SNX27: variants seen among roughly 807,000 people sequenced by gnomAD.
The protein encoded by SNX27 is sorting nexin 27.
SNX27 carries 22 observed loss-of-function variants against 71.6 expected under a neutral mutation model. The ratio of observed to expected loss-of-function variants is 0.31; its 90% CI spans 0.22 to 0.44. SNX27 has a LOEUF of 0.44. Among genes scored for constraint, SNX27 ranks in the 20% least tolerant of loss-of-function variants. The pLI is 1.00. For missense variants in SNX27, 531 were observed against 698.6 expected (o/e 0.76, Z 2.70); for synonymous variants, 269 against 277.2 (o/e 0.97, Z 0.29).
intron 9 of SNX27, 46 bp downstream of exon 9, chr1:151,692,630 T>G (rs145721362): frequency 5.0e-5 from 80 of 1,588,566 alleles, no homozygotes; most frequent in Non-Finnish European, 6.6e-5. Flanking sequence ...TGGAGATACT[T>G]TGATGCTCAC....
At chr1:151,622,645 G>A (rs1667728217) in intron 1 of SNX27, among the ~76,000 whole-genome samples, 1 of 152,222 alleles carries the variant, frequency 6.6e-6, no homozygotes, top group Admixed American at 6.5e-5. Flanking sequence ...AAATGTAGCA[G>A]CTCTCAAACA....
chr1:151,652,262 G>T (rs1669444522), intron 2 of SNX27, among the ~76,000 whole-genome samples: 1 of 150,176 alleles, frequency 6.7e-6, no homozygotes, highest in South Asian at 2.1e-4. Flanking sequence ...GAGGGAGAGG[G>T]AGAGGAAACT....
At chr1:151,682,568 G>A (rs751872798) in intron 7 of SNX27, among the ~76,000 whole-genome samples, 3 of 151,980 alleles carry the variant, frequency 2.0e-5, no homozygotes, top group Non-Finnish European at 2.9e-5. Flanking sequence ...TGATTCACCC[G>A]CCTCAGCCTC....
At chr1:151,623,011 C>T (rs776578167) in intron 1 of SNX27, among the ~76,000 whole-genome samples, 2 of 152,010 alleles carry the variant, frequency 1.3e-5, no homozygotes, top group Admixed American at 6.6e-5. Context: ...CTTGCCCTGT[C>T]GCCCAGGCTG....
In SNX27 at chr1:151,698,844, C is replaced by T. The variant is rs1354399395; in HGVS notation, c.*4427C>T. ...GAGCTGGGCTTCAGTTTTTCCCAGG[C>T]CATGCACATTTAATTTATTTCAGAG... is the stretch of plus-strand genomic sequence containing the variant. On this transcript the variant is annotated 3_prime_UTR_variant, in exon 12 of 12. Transcript: ENST00000458013. 2 of 152,584 alleles carry T rather than the reference C, an allele frequency of 1.3e-5. No homozygotes were observed. Among genetic ancestry groups the T allele is most frequent in the Non-Finnish European group, 2.9e-5 (2 of 68,020 alleles). The allele number at this position is 152,584 out of a possible 1,614,324, so 9.5% of individuals were successfully genotyped here.
chr1:151,612,267 C>T lies in SNX27; in HGVS notation c.66C>T (p.Gly22=). Residue 22 remains glycine (G), a synonymous_variant, in exon 1 of 12, where the codon GGC becomes GGT. Coordinates refer to ENST00000458013, the MANE Select transcript of SNX27 (RefSeq NM_001330723.2). The surrounding 1 kb of genome is among the most constrained non-coding windows in gnomAD (Gnocchi z 5.2). ...SAPHRNGGGG[G]GGGSGLHCAG... ...CTCACAGGAACGGAGGTGGCGGCGG[C>T]GGCGGGGGGTCTGGGCTCCACTGCG... 8 of 1,451,296 alleles carry T rather than the reference C, an allele frequency of 5.5e-6. No homozygotes were observed. The highest frequency in any genetic ancestry group is 7.2e-6 in the Non-Finnish European group (8 of 1,104,900). The allele number at this position is 1,451,296 out of a possible 1,614,324, so 89.9% of individuals were successfully genotyped here. A position where few individuals can be genotyped will look rare whatever the true frequency, so the allele number is the denominator to read the frequency against.
intron 2 of SNX27, among the ~76,000 whole-genome samples, chr1:151,641,013 CATT>C (rs145301292): frequency 0.027 from 4,089 of 152,274 alleles, 187 homozygotes; most frequent in African/African-American, 0.094. Flanking sequence ...GATTGGCAGA[CATT>C]GTTATTTAAA....
At chr1:151,628,588 T>C (rs1331428398) in intron 1 of SNX27, among the ~76,000 whole-genome samples, 1 of 152,206 alleles carries the variant, frequency 6.6e-6, no homozygotes, top group Non-Finnish European at 1.5e-5. Flanking sequence ...TATCATTTTG[T>C]ATTCCCACCA....
intron 4 of SNX27, chr1:151,661,125 T>A: frequency 2.6e-6 from 1 of 387,550 alleles, no homozygotes; most frequent in Non-Finnish European, 4.8e-6. Flanking sequence ...ACTTTTGCAA[T>A]TAGTTCCATT....
chr1:151,691,461 T>A (rs1319496320), intron 8 of SNX27, among the ~76,000 whole-genome samples: 1 of 151,272 alleles, frequency 6.6e-6, no homozygotes, highest in Non-Finnish European at 1.5e-5. Context: ...CTTTTTGTTT[T>A]TCTGGTTTTT....
intron 6 of SNX27, chr1:151,666,669 A>G (rs1670201655): frequency 6.6e-6 from 1 of 152,214 alleles, no homozygotes; most frequent in Non-Finnish European, 1.5e-5. Context: ...CAAAATTGAT[A>G]TAGATAATAT....
At chr1:151,681,233 A>ATTTTTTTTTTTTTTTT (rs1558071789) in intron 7 of SNX27, among the ~76,000 whole-genome samples, 3 of 87,376 alleles carry the variant, frequency 3.4e-5, no homozygotes, top group Admixed American at 1.2e-4. Context: ...TAGTCTCTCA[A>ATTTTTTTTTTTTTTTT]TCTTTTTTTT....
In SNX27 at chr1:151,694,282, G is replaced by T; in HGVS notation, c.1579-88G>T. ...TGGCCAATCAGATTGAGTCATCCAGGCATACCTTTTTAGCTTCTGTTTGTG... is the reference window on the plus strand; with the variant it reads ...TGGCCAATCAGATTGAGTCATCCAGTCATACCTTTTTAGCTTCTGTTTGTG... On this transcript the variant is annotated intron_variant, in intron 11 of 11. Transcript: ENST00000458013. 5.2e-6 allele frequency: 8 copies of T among 1,534,954 alleles called. 1 individual carries two copies. In the Middle Eastern group the frequency reaches 1.3e-3, roughly 259 times the overall value.
At chr1:151,680,500 C>T (rs1670891936) in intron 7 of SNX27, 1 of 152,016 alleles carries the variant, frequency 6.6e-6, no homozygotes, top group Non-Finnish European at 1.5e-5. Context: ...TTTTTACTGC[C>T]CCATGTGTAA....
At chr1:151,646,613 ATATATAT>A (rs1314975337) in intron 2 of SNX27, among the ~76,000 whole-genome samples, 7 of 148,420 alleles carry the variant, frequency 4.7e-5, no homozygotes, top group African/African-American at 1.7e-4. Flanking sequence ...TATATAGTAC[ATATATAT>A]TATATATAGT....
chr1:151,682,608 C>T (rs1014901358), intron 7 of SNX27, among the ~76,000 whole-genome samples: 1 of 152,154 alleles, frequency 6.6e-6, no homozygotes, highest in Admixed American at 6.5e-5. Flanking sequence ...GTTTAATTGA[C>T]TCACAGTTTC....
At chr1:151,682,416 G>C (rs1558072544) in intron 7 of SNX27, among the ~76,000 whole-genome samples, 2 of 152,254 alleles carry the variant, frequency 1.3e-5, no homozygotes, top group South Asian at 2.1e-4. Context: ...CTGCCTCCTG[G>C]GTTCAAGCGA....
rs1553267186 is a variant in SNX27 at position 151,696,522 on chromosome 1, G to GTTCTTTCGTTCTTTCGTTCTTTCGTTCT, written c.*2112_*2113insGTTCTTTCGTTCTTTCGTTCTTTCTTTC. The GTTCTTTCGTTCTTTCGTTCTTTCGTTCT allele has an allele frequency of 7.8e-5, 8 of 102,398 alleles. No homozygotes were observed. The highest frequency in any genetic ancestry group is 2.3e-4 in the East Asian group (1 of 4,332). 6.3% of individuals were successfully genotyped at this position (102,398 alleles called of 1,614,324 possible). A position where few individuals can be genotyped will look rare whatever the true frequency, so the allele number is the denominator to read the frequency against. On this transcript the variant is annotated 3_prime_UTR_variant, in exon 12 of 12. Coordinates refer to ENST00000458013, the MANE Select transcript of SNX27 (RefSeq NM_001330723.2). ...CTTTCTTTCGTTCTTTCGTTCTTTC[G>GTTCTTTCGTTCTTTCGTTCTTTCGTTCT]TTCTTTCTTTCTTTCTTTCTTTCTC...
intron 8 of SNX27, among the ~76,000 whole-genome samples, chr1:151,685,990 A>G (rs1341617412): frequency 1.3e-5 from 2 of 152,206 alleles, no homozygotes; most frequent in East Asian, 1.9e-4. Context: ...AGATAATGGC[A>G]TTGTCTTCTA....
Sources: gnomAD v4.1 joint callset for allele counts (sites outside exome capture counted in the v4.1 genomes callset) on GRCh38, gnomAD v4.1.1 for gene constraint, Gnocchi (gnomAD v3.1) non-coding constraint, MANE v1.5 for transcripts, NCBI Gene and HGNC (gene_info 2026-07-23, HGNC 2026-07-21) for gene names.